Variants in KIFAP3 observed in about 807,000 individuals in gnomAD.
KIFAP3 encodes the protein kinesin associated protein 3.
A neutral mutation model predicts 106.5 loss-of-function variants in KIFAP3; 68 were observed. The ratio of observed to expected loss-of-function variants is 0.64; its 90% CI spans 0.53 to 0.78. The LOEUF is 0.78. Among genes scored for constraint, KIFAP3 ranks in the 30% least tolerant of loss-of-function variants. KIFAP3 has a pLI of 0.00. For missense variants in KIFAP3, 780 were observed against 941.8 expected (o/e 0.83, Z 2.25); for synonymous variants, 320 against 311.5 (o/e 1.03, Z -0.29).
At position 169,983,669 on chromosome 1, in the gene KIFAP3, T is replaced by C. The variant is rs533146540; in HGVS notation, c.1394-287A>G. Among the ~76,000 whole-genome samples, 33 of 151,914 alleles carry C rather than the reference T, an allele frequency of 2.2e-4. 1 individual carries two copies. The highest frequency in any genetic ancestry group is 8.3e-4 in the South Asian group (4 of 4,820). On this transcript the variant is annotated intron_variant, in intron 12 of 19. Transcript: ENST00000361580. Reference sequence around the variant, plus strand: ...TTAAACATATATAAATTTTGCCTGATATAGAACTTCATATAAATAGAATCA... The same window carrying C: ...TTAAACATATATAAATTTTGCCTGACATAGAACTTCATATAAATAGAATCA...
chr1:169,937,679 T>C lies in KIFAP3; in HGVS notation c.2274-15898A>G, dbSNP rs146704164. ...TAACTTTAAGATACAAGTCTAAAGA[T>C]ACAACTTTAAGATCCTCCAAAGATA... On this transcript the variant is annotated intron_variant, in intron 19 of 19. Coordinates refer to ENST00000361580, the MANE Select transcript of KIFAP3 (RefSeq NM_014970.4). 6.7e-3 allele frequency among the ~76,000 whole-genome samples: 1,012 copies of C among 151,948 alleles called. 9 individuals carry two copies. Among genetic ancestry groups the C allele is most frequent in the Non-Finnish European group, 0.011 (754 of 67,740 alleles).
chr1:169,975,576 G>A (rs983504182), intron 16 of KIFAP3, among the ~76,000 whole-genome samples: 10 of 151,822 alleles, frequency 6.6e-5, no homozygotes, highest in Admixed American at 6.6e-4. Flanking sequence ...CAAAAATTCT[G>A]TTTTTTCAAC....
At chr1:169,964,544 A>C (rs530980038) in intron 17 of KIFAP3, among the ~76,000 whole-genome samples, 2 of 152,194 alleles carry the variant, frequency 1.3e-5, no homozygotes, top group African/African-American at 4.8e-5. Context: ...GTCATTGACC[A>C]AGGAGTGATA....
At chr1:169,948,689 T>A (rs1313811854) in intron 19 of KIFAP3, among the ~76,000 whole-genome samples, 1 of 152,008 alleles carries the variant, frequency 6.6e-6, no homozygotes. Context: ...TAATTAAAAA[T>A]TGATAAAGGA....
chr1:169,972,787 T>C (rs1665986290), intron 16 of KIFAP3, among the ~76,000 whole-genome samples, 189 bp from the exon 17 acceptor site: 1 of 151,464 alleles, frequency 6.6e-6, no homozygotes, highest in African/African-American at 2.4e-5. Context: ...ACAGGGATAG[T>C]AGGGACATAA....
In KIFAP3 at chr1:169,961,095, G is replaced by GT. The variant is rs781556583; in HGVS notation, c.2123dup (p.Tyr708Ter). Residue 708 changes from tyrosine (Y) to a stop codon, truncating the protein, a stop_gained and frameshift_variant, in exon 18 of 20, where the codon TAC becomes TAAC. Transcript: ENST00000361580. LOFTEE classifies it high-confidence loss of function. ...TTTCGAGAATATCTCCTTCATGAAT[G>GT]TATGGCTCAATTCGATCATCACCAT... is the stretch of plus-strand genomic sequence containing the variant. ...YLYGDDRIEP[Y>*]IHEGDILERP... 8.1e-6 allele frequency: 13 copies of GT among 1,613,344 alleles called. No homozygotes were observed. The highest frequency in any genetic ancestry group is 1.1e-5 in the Non-Finnish European group (13 of 1,179,630).
chr1:169,975,627 T>G (rs1558211684), intron 16 of KIFAP3, among the ~76,000 whole-genome samples: 1 of 152,166 alleles, frequency 6.6e-6, no homozygotes, highest in Non-Finnish European at 1.5e-5. Context: ...TTTCAGTTTT[T>G]TTTTAGAGAC....
At chr1:170,068,169 T>C (rs893207381) in intron 1 of KIFAP3, 1 of 151,884 alleles carries the variant, frequency 6.6e-6, no homozygotes, top group Non-Finnish European at 1.5e-5. Flanking sequence ...ATATGAAACA[T>C]GCAAAGAAAC....
chr1:169,982,458 C>T (rs890667457), intron 14 of KIFAP3, among the ~76,000 whole-genome samples: 2 of 151,726 alleles, frequency 1.3e-5, no homozygotes, highest in African/African-American at 4.8e-5. Flanking sequence ...TAAAAAAATA[C>T]CAAAAGACCA....
chr1:170,007,984 T>A (rs1023779575), intron 10 of KIFAP3, among the ~76,000 whole-genome samples: 1 of 152,156 alleles, frequency 6.6e-6, no homozygotes, highest in Admixed American at 6.5e-5. Flanking sequence ...AACCATCTGA[T>A]CTTTGACAAA....
At chr1:170,077,239 T>A (rs1330061362), upstream of KIFAP3, among the ~76,000 whole-genome samples, 1 of 152,230 alleles carries the variant, frequency 6.6e-6, no homozygotes, top group Non-Finnish European at 1.5e-5. Flanking sequence ...AACAAGGGAA[T>A]AAAATGTCAG....
At chr1:170,074,125 GA>G (rs200955714) in intron 1 of KIFAP3, among the ~76,000 whole-genome samples, 4 of 144,512 alleles carry the variant, frequency 2.8e-5, no homozygotes, top group South Asian at 2.2e-4. Flanking sequence ...GGGAAGAGGC[GA>G]AAAAAAAAAC....
At chr1:170,075,559 A>C (rs571267516), upstream of KIFAP3, among the ~76,000 whole-genome samples, 1 of 152,280 alleles carries the variant, frequency 6.6e-6, no homozygotes, top group East Asian at 1.9e-4. Flanking sequence ...TGATGCAATT[A>C]TTGATTATCC....
intron 10 of KIFAP3, among the ~76,000 whole-genome samples, chr1:170,005,128 C>T (rs1175691373): frequency 3.3e-5 from 5 of 151,122 alleles, no homozygotes; most frequent in East Asian, 1.9e-4. Flanking sequence ...CACTGGCCAT[C>T]AGAGAAATGC....
chr1:169,925,459 A>G (rs1050555839), intron 19 of KIFAP3, among the ~76,000 whole-genome samples: 1 of 151,950 alleles, frequency 6.6e-6, no homozygotes, highest in Non-Finnish European at 1.5e-5. Context: ...TATATTTAAA[A>G]CCCAACAACA....
At chr1:170,058,055 C>G (rs1051366391) in intron 1 of KIFAP3, among the ~76,000 whole-genome samples, 1 of 152,024 alleles carries the variant, frequency 6.6e-6, no homozygotes, top group African/African-American at 2.4e-5. Context: ...AAACTGTCAC[C>G]TTTTGGGACA....
At chr1:169,943,272 T>G (rs999167209) in intron 19 of KIFAP3, among the ~76,000 whole-genome samples, 2 of 152,140 alleles carry the variant, frequency 1.3e-5, no homozygotes, top group African/African-American at 4.8e-5. Context: ...CTGTAGGCCC[T>G]AGGTTTTAGC....
Position 170,035,456 on chromosome 1 carries a change from G to C in KIFAP3, c.615C>G (p.Ser205=). The C allele has an allele frequency of 1.9e-6, 3 of 1,589,974 alleles. No individual in the cohort carries two copies. The highest frequency in any genetic ancestry group is 2.6e-6 in the Non-Finnish European group (3 of 1,164,426). Residue 205 remains serine (S), a splice_region_variant and synonymous_variant, in exon 6 of 20, where the codon TCC becomes TCG. Coordinates refer to ENST00000361580, the MANE Select transcript of KIFAP3 (RefSeq NM_014970.4). ...TATTTAATAATTTTTATACTTACCTGGAGAAACAAAAAAAGATGTAAATTA... is the reference window on the plus strand; with the variant it reads ...TATTTAATAATTTTTATACTTACCTCGAGAAACAAAAAAAGATGTAAATTA... The part of the protein sequence containing the change: ...TNIIYIFFCF[S]SFSQFHGLIT...
At chr1:170,023,834 G>A (rs1287255185) in intron 9 of KIFAP3, among the ~76,000 whole-genome samples, 1 of 151,982 alleles carries the variant, frequency 6.6e-6, no homozygotes, top group African/African-American at 2.4e-5. Flanking sequence ...GCAAATGAAA[G>A]CCTAGTATAA....
Sources: gnomAD v4.1 joint callset for allele counts (sites outside exome capture counted in the v4.1 genomes callset) on GRCh38, gnomAD v4.1.1 for gene constraint, MANE v1.5 for transcripts, NCBI Gene and HGNC (gene_info 2026-07-23, HGNC 2026-07-21) for gene names.